PRDM16: variants seen among roughly 807,000 people sequenced by gnomAD.
PRDM16 encodes histone-lysine N-methyltransferase PRDM16.
In PRDM16, 23 loss-of-function variants were observed where a neutral mutation model predicts 110.6. That is an observed-to-expected ratio of 0.21 (90% CI 0.15 to 0.29). The LOEUF is 0.29. Ranked by LOEUF, PRDM16 falls within the 10% of genes least tolerant of loss-of-function variation. The pLI is 1.00. For synonymous variants in PRDM16, 799 were observed against 781.8 expected (o/e 1.02, Z -0.37); for missense variants, 1,615 against 1,794.3 (o/e 0.90, Z 1.81).
At chr1:3,433,620 G>A (rs1416794355) in intron 16 of PRDM16, 57 bp from the exon 17 acceptor site, 9 of 1,556,742 alleles carry the variant, frequency 5.8e-6, no homozygotes, top group Non-Finnish European at 7.8e-6. Flanking sequence ...GGGATGGCCC[G>A]CCCTGCCCAC....
intron 1 of PRDM16, among the ~76,000 whole-genome samples, chr1:3,152,376 C>T (rs79393543): frequency 7.3e-6 from 1 of 137,714 alleles, no homozygotes; most frequent in Non-Finnish European, 1.6e-5. Flanking sequence ...ATCCATCCAT[C>T]CATCCATTTA....
At position 3,244,253 on chromosome 1, in the gene PRDM16, G is replaced by A. The variant is rs1639737802; in HGVS notation, c.438+116G>A. ...CAAGCGTGTAGTCGGAATGTTGCTG[G>A]CAGGCCCCGAGCAATGTGTTATCTG... On this transcript the variant is annotated intron_variant, in intron 3 of 16. Transcript: ENST00000270722. This position sits in a 1 kb window ranked among gnomAD's most constrained non-coding sequence, Gnocchi z 4.1. 2.1e-6 allele frequency: 2 copies of A among 950,708 alleles called. No individual in the cohort carries two copies. Among genetic ancestry groups the A allele is most frequent in the Non-Finnish European group, 3.3e-6 (2 of 604,114 alleles). 58.9% of individuals were successfully genotyped at this position (950,708 alleles called of 1,614,324 possible).
chr1:3,219,317 G>A (rs567899025), intron 2 of PRDM16, among the ~76,000 whole-genome samples: 13 of 152,354 alleles, frequency 8.5e-5, no homozygotes, highest in Admixed American at 3.3e-4. Flanking sequence ...CTGTGTCGGC[G>A]AGAGCAAGCA....
chr1:3,426,008 G>A (rs764436502), intron 13 of PRDM16, 43 bp from the exon 14 acceptor site: 7 of 1,584,978 alleles, frequency 4.4e-6, no homozygotes, highest in Non-Finnish European at 6.0e-6. Flanking sequence ...GGAGGGAGGG[G>A]TCCAGCGAGA....
At chr1:3,105,589 C>T (rs1642634577) in intron 1 of PRDM16, among the ~76,000 whole-genome samples, 1 of 152,244 alleles carries the variant, frequency 6.6e-6, no homozygotes, top group Non-Finnish European at 1.5e-5. Flanking sequence ...CTAGCGCTGT[C>T]CCCAATCCCT....
chr1:3,216,790 C>G (rs1298354829), intron 2 of PRDM16, among the ~76,000 whole-genome samples: 1 of 152,238 alleles, frequency 6.6e-6, no homozygotes. Flanking sequence ...GGGGCTGTGG[C>G]TGTGGCCATC....
At chr1:3,085,610 G>C (rs565145066) in intron 1 of PRDM16, among the ~76,000 whole-genome samples, 1 of 152,252 alleles carries the variant, frequency 6.6e-6, no homozygotes, top group African/African-American at 2.4e-5. Flanking sequence ...GCTGAGTGGG[G>C]TAATCCATCC....
In PRDM16 at chr1:3,243,769, C is replaced by T. The variant is rs532683344; in HGVS notation, c.388-318C>T. Among the ~76,000 whole-genome samples, 40 of 152,354 alleles carry T rather than the reference C, an allele frequency of 2.6e-4. No homozygotes were observed. The highest frequency in any genetic ancestry group is 8.2e-4 in the African/African-American group (34 of 41,582). On this transcript the variant is annotated intron_variant, in intron 2 of 16. Transcript: ENST00000270722. The surrounding 1 kb of genome is among the most constrained non-coding windows in gnomAD (Gnocchi z 5.5). ...ATAATATGAATGGCTCACCTTGAGA[C>T]GCCTTGACCTGGGTCCCCACCCAAC...
intron 1 of PRDM16, among the ~76,000 whole-genome samples, chr1:3,072,133 C>T (rs1157319974): frequency 6.6e-6 from 1 of 152,204 alleles, no homozygotes; most frequent in Non-Finnish European, 1.5e-5. Context: ...GACAGGGTCC[C>T]CCCTACTGAA....
At chr1:3,197,207 G>A (rs1357284020) in intron 2 of PRDM16, among the ~76,000 whole-genome samples, 1 of 152,214 alleles carries the variant, frequency 6.6e-6, no homozygotes, top group African/African-American at 2.4e-5. Flanking sequence ...CCCCAGGGAG[G>A]GAAAGAGTCA....
intron 3 of PRDM16, among the ~76,000 whole-genome samples, chr1:3,322,204 C>T (rs973455246): frequency 9.4e-5 from 14 of 148,320 alleles, no homozygotes; most frequent in African/African-American, 3.0e-4. Context: ...TGGGTGTGCA[C>T]GTGTGTGTGT....
chr1:3,436,131 A>C lies in PRDM16; in HGVS notation c.*2320A>C, dbSNP rs1035601478. ...GGGATTCTTATAAAAATTCAACCTC[A>C]GACATAAACACCCCATTTCTGTAAA... On this transcript the variant is annotated 3_prime_UTR_variant, in exon 17 of 17. Coordinates refer to ENST00000270722, the MANE Select transcript of PRDM16 (RefSeq NM_022114.4). The C allele has an allele frequency of 1.3e-5, 3 of 230,386 alleles. No homozygotes were observed. Among genetic ancestry groups the C allele is most frequent in the African/African-American group, 2.2e-5 (1 of 45,148 alleles). The allele number at this position is 230,386 out of a possible 1,614,324, so 14.3% of individuals were successfully genotyped here.
intron 2 of PRDM16, among the ~76,000 whole-genome samples, chr1:3,211,819 ATGCGTG>A (rs1388052273): frequency 2.0e-5 from 3 of 152,194 alleles, no homozygotes; most frequent in Non-Finnish European, 4.4e-5. Flanking sequence ...GCACGTGTGC[ATGCGTG>A]TGCGTGCGCG....
intron 2 of PRDM16, among the ~76,000 whole-genome samples, chr1:3,231,258 C>T (rs891686582): frequency 2.0e-5 from 3 of 152,226 alleles, no homozygotes; most frequent in Non-Finnish European, 4.4e-5. Flanking sequence ...GCTTTTGGTC[C>T]GCAAGTCATG....
intron 3 of PRDM16, among the ~76,000 whole-genome samples, chr1:3,336,947 G>C (rs943202575): frequency 2.0e-5 from 3 of 149,488 alleles, no homozygotes; most frequent in Non-Finnish European, 4.4e-5. Context: ...GTTGGTGTGA[G>C]TCTGTGAGCA....
Position 3,434,784 on chromosome 1 carries a change from C to T in PRDM16, c.*973C>T, listed in dbSNP as rs147429733. Reference sequence around the variant, plus strand: ...TGTGGCCGGGCACCCATCTTCCTTCCCTCCTCTGTCCCTGCCTCGGCCACC... The same window carrying T: ...TGTGGCCGGGCACCCATCTTCCTTCTCTCCTCTGTCCCTGCCTCGGCCACC... On this transcript the variant is annotated 3_prime_UTR_variant, in exon 17 of 17. Coordinates refer to ENST00000270722, the MANE Select transcript of PRDM16 (RefSeq NM_022114.4). 4.1e-3 allele frequency: 955 copies of T among 232,472 alleles called. 3 individuals are homozygous for T. Among genetic ancestry groups the T allele is most frequent in the Admixed American group, 7.0e-3 (124 of 17,772 alleles). 14.4% of individuals were successfully genotyped at this position (232,472 alleles called of 1,614,324 possible).
chr1:3,378,714 G>C (rs1643039999), intron 3 of PRDM16, among the ~76,000 whole-genome samples: 1 of 152,216 alleles, frequency 6.6e-6, no homozygotes, highest in South Asian at 2.1e-4. Flanking sequence ...GGCAGGAGGA[G>C]GCAGCGGTCA....
chr1:3,364,824 C>A (rs1420850710), intron 3 of PRDM16, among the ~76,000 whole-genome samples: 1 of 152,246 alleles, frequency 6.6e-6, no homozygotes, highest in Admixed American at 6.5e-5. Flanking sequence ...GAGCAGGACA[C>A]GTTGCTTCGG....
intron 3 of PRDM16, among the ~76,000 whole-genome samples, chr1:3,323,882 C>G (rs1016473638): frequency 6.6e-6 from 1 of 152,232 alleles, no homozygotes; most frequent in Admixed American, 6.5e-5. Flanking sequence ...GGGGCTCCCC[C>G]GGCTCTGCAC....
Sources: allele counts gnomAD v4.1 joint callset (sites outside exome capture counted in the v4.1 genomes callset), GRCh38; gene constraint gnomAD v4.1.1; non-coding constraint Gnocchi (gnomAD v3.1); transcripts MANE v1.5; gene names NCBI Gene and HGNC (gene_info 2026-07-23, HGNC 2026-07-21).